Variants in THAP5 observed in about 807,000 individuals in gnomAD.
The protein encoded by THAP5 is THAP domain containing 5.
A neutral mutation model predicts 34.0 loss-of-function variants in THAP5; 26 were observed. The ratio of observed to expected loss-of-function variants is 0.77; its 90% CI spans 0.56 to 1.06. The LOEUF (loss-of-function observed/expected upper bound fraction) is 1.06, where lower values mean the gene tolerates loss of function less well. THAP5 is among the 50% of genes least tolerant of loss of function. The pLI, the probability that THAP5 is intolerant of heterozygous loss-of-function variation, is 0.00. For missense variants in THAP5, 394 were observed against 452.8 expected (o/e 0.87, Z 1.18); for synonymous variants, 125 against 153.0 (o/e 0.82, Z 1.35).
chr7:108,555,405 C>T (rs901940561), intron 1 of THAP5, among the ~76,000 whole-genome samples: 6 of 151,870 alleles, frequency 4.0e-5, no homozygotes, highest in African/African-American at 4.8e-5. Context: ...TGACCTCAAG[C>T]GATGCACCCA....
the THAP5 span, among the ~76,000 whole-genome samples, chr7:108,542,644 G>A: frequency 9.2e-5 from 14 of 152,134 alleles, no homozygotes; most frequent in African/African-American, 3.4e-4. Flanking sequence ...TGTTTTATTG[G>A]TAGAGACAGG....
At chr7:108,569,237 CAA>C (rs1790556758) in intron 1 of THAP5, 1 of 1,372,928 alleles carries the variant, frequency 7.3e-7, no homozygotes, top group African/African-American at 1.5e-5. Context: ...GAAGCCCGCG[CAA>C]ACTTTACTGT....
downstream of THAP5, among the ~76,000 whole-genome samples, chr7:108,550,265 C>A (rs1864345313): frequency 6.6e-6 from 1 of 152,032 alleles, no homozygotes; most frequent in South Asian, 2.1e-4. Flanking sequence ...ATTCTTGACC[C>A]TTTGTGTCTT....
At chr7:108,568,780 A>T (rs1790543215) in intron 1 of THAP5, among the ~76,000 whole-genome samples, 1 of 152,224 alleles carries the variant, frequency 6.6e-6, no homozygotes, top group Non-Finnish European at 1.5e-5. Flanking sequence ...ATACTTTCCA[A>T]GAGGTCATTA....
At chr7:108,543,129 G>A in the THAP5 span, among the ~76,000 whole-genome samples, 11 of 151,364 alleles carry the variant, frequency 7.3e-5, no homozygotes, top group Non-Finnish European at 1.0e-4. Context: ...GAGTTTCACC[G>A]TATTAGCCAG....
At chr7:108,550,432 T>C (rs1021511686), downstream of THAP5, among the ~76,000 whole-genome samples, 7 of 151,986 alleles carry the variant, frequency 4.6e-5, no homozygotes, top group African/African-American at 1.7e-4. Flanking sequence ...TCCAGAAAAG[T>C]TACTTGCATT....
In THAP5 at chr7:108,564,452, C is replaced by T. The variant is rs765041867; in HGVS notation, c.927G>A (p.Lys309=). Residue 309 remains lysine, a synonymous_variant, in exon 3 of 3, where the codon AAG becomes AAA. Transcript: ENST00000415914. Reference sequence around the variant, plus strand: ...AAACTTCTGTCCCATAGTCTACATCCTTATACAAGGAGTCTTCAATGTCTG... The same window carrying T: ...AAACTTCTGTCCCATAGTCTACATCTTTATACAAGGAGTCTTCAATGTCTG... ...EDTDIEDSLY[K]DVDYGTEVLQ... is the part of the protein sequence containing the mutation. 1.9e-6 allele frequency: 3 copies of T among 1,613,780 alleles called. No individual in the cohort carries two copies. Among genetic ancestry groups the T allele is most frequent in the Middle Eastern group, 1.6e-4 (1 of 6,080 alleles).
At chr7:108,569,399 T>C (rs1166080006) in intron 1 of THAP5, 91 bp downstream of exon 1, 4 of 1,543,064 alleles carry the variant, frequency 2.6e-6, no homozygotes, top group Middle Eastern at 1.7e-4. Context: ...GAGGACTCAC[T>C]GGCAGAGCGG....
At chr7:108,559,248 G>C (rs189356454), downstream of THAP5, among the ~76,000 whole-genome samples, 23 of 152,362 alleles carry the variant, frequency 1.5e-4, no homozygotes, top group African/African-American at 5.5e-4. Flanking sequence ...GGGTATGGGA[G>C]CTAGACGGAG....
intron 1 of THAP5, among the ~76,000 whole-genome samples, chr7:108,567,655 C>A (rs1400767580): frequency 6.6e-6 from 1 of 152,152 alleles, no homozygotes; most frequent in South Asian, 2.1e-4. Context: ...AAGATAATCA[C>A]AGTACAAACT....
At chr7:108,551,823 A>G (rs2154517814), downstream of THAP5, among the ~76,000 whole-genome samples, 1 of 152,326 alleles carries the variant, frequency 6.6e-6, no homozygotes, top group South Asian at 2.1e-4. Context: ...AGGCCAGGAA[A>G]AGTTTCTAAA....
chr7:108,551,848 T>C (rs1365164284), downstream of THAP5, among the ~76,000 whole-genome samples: 2 of 152,206 alleles, frequency 1.3e-5, no homozygotes, highest in South Asian at 4.1e-4. Flanking sequence ...CCCACGTGAT[T>C]TTAATGCACA....
chr7:108,543,169 C>T, the THAP5 span, among the ~76,000 whole-genome samples: 32 of 152,104 alleles, frequency 2.1e-4, no homozygotes, highest in South Asian at 4.1e-3. Context: ...CCTCATGATC[C>T]GCCCGCCTCA....
At position 108,565,925 on chromosome 7, in the gene THAP5, G is replaced by A; in HGVS notation, c.178C>T (p.His60Tyr). 6.4e-7 allele frequency: 1 copy of A among 1,550,510 alleles called. No individual in the cohort carries two copies. The highest frequency in any genetic ancestry group is 8.7e-7 in the Non-Finnish European group (1 of 1,146,762). ...PSKYQFLCSDHFTPDSLDIRW... is the reference protein window; with the variant it reads ...PSKYQFLCSDYFTPDSLDIRW... ...ATGTCAAGAGAGTCAGGAGTAAAAT[G>A]GTCACTACATAGAAACTGGTATTTA... Residue 60 changes from histidine (H) to tyrosine (Y), a missense_variant, in exon 2 of 3, where the codon CAT becomes TAT. Coordinates refer to ENST00000415914, the MANE Select transcript of THAP5 (RefSeq NM_001130475.3).
Position 108,564,569 on chromosome 7 carries a change from A to C in THAP5, c.810T>G (p.Ser270=). 4 of 1,613,864 alleles carry C rather than the reference A, an allele frequency of 2.5e-6. No individual in the cohort carries two copies. Among genetic ancestry groups the C allele is most frequent in the Non-Finnish European group, 3.4e-6 (4 of 1,179,892 alleles). Residue 270 remains serine, a synonymous_variant, in exon 3 of 3, where the codon TCT becomes TCG. Transcript: ENST00000415914. ...CAGCAGGTACAAAAATGGCAATAAC[A>C]GATTCTTTATTTGTGTTTAATTCTT... ...TVEELNTNKE[S]VIAIFVPAEN...
At chr7:108,549,010 C>T in the THAP5 span, among the ~76,000 whole-genome samples, 1,296 of 151,966 alleles carry the variant, frequency 8.5e-3, 29 homozygotes, top group African/African-American at 0.029. Context: ...TCATTTTCTG[C>T]TCTCCAGAGT....
chr7:108,569,184 T>C, intron 1 of THAP5: 1 of 1,270,384 alleles, frequency 7.9e-7, no homozygotes, highest in Non-Finnish European at 1.0e-6. Flanking sequence ...TGTTGTTCAA[T>C]GAAATGAGAT....
At chr7:108,554,282 G>A (rs1326210919), downstream of THAP5, among the ~76,000 whole-genome samples, 1 of 152,208 alleles carries the variant, frequency 6.6e-6, no homozygotes, top group African/African-American at 2.4e-5. Context: ...TATTTACAGT[G>A]ATCTTTATAT....
the THAP5 span, among the ~76,000 whole-genome samples, chr7:108,544,338 C>T: frequency 6.6e-6 from 1 of 151,888 alleles, no homozygotes. Flanking sequence ...CAAGATCAGC[C>T]TGGCCAACAT....
Sources: allele counts gnomAD v4.1 joint callset (sites outside exome capture counted in the v4.1 genomes callset), GRCh38; gene constraint gnomAD v4.1.1; transcripts MANE v1.5; gene names NCBI Gene and HGNC (gene_info 2026-07-23, HGNC 2026-07-21).